The following USP10 variants were observed in gnomAD, a reference collection of about 807,000 sequenced individuals.
USP10 encodes the protein ubiquitin carboxyl-terminal hydrolase 10.
USP10 carries 22 observed loss-of-function variants against 84.5 expected under a neutral mutation model. That is an observed-to-expected ratio of 0.26 (90% confidence interval 0.19 to 0.37). USP10 has a LOEUF of 0.37. Ranked by LOEUF, USP10 falls within the 10% of genes least tolerant of loss-of-function variation. USP10 has a pLI of 1.00. For missense variants in USP10, 1,019 were observed against 998.9 expected, an observed-to-expected ratio of 1.02 and a Z score of -0.27; for synonymous variants, 454 against 387.6, an observed-to-expected ratio of 1.17 and a Z score of -2.01.
At chr16:84,757,877 T>G (rs903877967) in intron 4 of USP10, among the ~76,000 whole-genome samples, 3 of 152,168 alleles carry the variant, frequency 2.0e-5, no homozygotes, top group African/African-American at 7.2e-5. Context: ...TACTAAGGAT[T>G]AAGTCCAGCC....
intron 4 of USP10, among the ~76,000 whole-genome samples, chr16:84,756,643 G>A (rs894018031): frequency 2.0e-5 from 3 of 151,958 alleles, no homozygotes; most frequent in Non-Finnish European, 4.4e-5. Context: ...GAGTCTTAAG[G>A]TTAGGTTTAA....
At chr16:84,750,684 A>G (rs12922556) in intron 4 of USP10, among the ~76,000 whole-genome samples, 35,594 of 152,158 alleles carry the variant, frequency 0.23, 4,451 homozygotes, top group East Asian at 0.38. Context: ...AAATAGAGCC[A>G]TTTTGTATTT....
chr16:84,751,147 T>C (rs1385864002), intron 4 of USP10, among the ~76,000 whole-genome samples: 2 of 152,250 alleles, frequency 1.3e-5, no homozygotes, highest in African/African-American at 2.4e-5. Flanking sequence ...TACAGTTGCC[T>C]ACGGTATTCA....
rs756348853 is a variant in USP10 at position 84,759,950 on chromosome 16, A to C, written c.1450+4A>C. 2 of 1,613,932 alleles carry C rather than the reference A, an allele frequency of 1.2e-6. No individual in the cohort carries two copies. Among genetic ancestry groups the C allele is most frequent in the Non-Finnish European group, 1.7e-6 (2 of 1,179,778 alleles). ...GTACCTCCAAAACCCCGACAAGGTT[A>C]GTAAAAATGAGTTTTGTTGATGCTA... On this transcript the variant is annotated splice_donor_region_variant and intron_variant, in intron 7 of 13. Coordinates refer to ENST00000219473, the MANE Select transcript of USP10 (RefSeq NM_005153.3).
intron 1 of USP10, among the ~76,000 whole-genome samples, chr16:84,718,327 C>T (rs1045460206): frequency 1.8e-4 from 27 of 152,172 alleles, no homozygotes; most frequent in African/African-American, 5.8e-4. Context: ...AATCATGGCT[C>T]ACTGCAGCCT....
intron 3 of USP10, among the ~76,000 whole-genome samples, chr16:84,741,426 C>G (rs182976523): frequency 6.6e-6 from 1 of 152,324 alleles, no homozygotes; most frequent in African/African-American, 2.4e-5. Flanking sequence ...CTTCCTCTGT[C>G]ACTGTGTGCT....
In USP10 at chr16:84,778,914, C is replaced by T. The variant is rs1173387260; in HGVS notation, c.2229C>T (p.Asn743=). 2 of 1,613,550 alleles carry T rather than the reference C, an allele frequency of 1.2e-6. No individual in the cohort carries two copies. The highest frequency in any genetic ancestry group is 2.7e-5 in the African/African-American group (2 of 74,942). Residue 743 remains asparagine (N), a synonymous_variant, in exon 14 of 14, where the codon AAC becomes AAT. Coordinates refer to ENST00000219473, the MANE Select transcript of USP10 (RefSeq NM_005153.3). ...TTCCAGTGGTCTACCATCACGGCAA[C>T]AGTGCGACGGGCGGCCATTACACTA... is the stretch of plus-strand genomic sequence containing the variant. ...RLFAVVYHHG[N]SATGGHYTTD...
intron 1 of USP10, among the ~76,000 whole-genome samples, chr16:84,727,125 TTC>T (rs1908595270): frequency 6.6e-6 from 1 of 152,224 alleles, no homozygotes; most frequent in Admixed American, 6.5e-5. Context: ...GCTCTGCACT[TTC>T]TTTGAAATTA....
At chr16:84,759,531 A>T in intron 6 of USP10, 59 bp downstream of exon 6, 1 of 1,463,884 alleles carries the variant, frequency 6.8e-7, no homozygotes, top group Non-Finnish European at 9.6e-7. Context: ...TGATAATTAG[A>T]ATTGAAATAG....
At chr16:84,763,896 G>T (rs1298005706) in intron 9 of USP10, among the ~76,000 whole-genome samples, 190 bp from the exon 10 acceptor site, 1 of 152,054 alleles carries the variant, frequency 6.6e-6, no homozygotes, top group Non-Finnish European at 1.5e-5. Context: ...CGTGGATCCA[G>T]TGACATTGTG....
At chr16:84,723,902 C>G (rs1908127144) in intron 1 of USP10, among the ~76,000 whole-genome samples, 1 of 152,138 alleles carries the variant, frequency 6.6e-6, no homozygotes, top group Non-Finnish European at 1.5e-5. Context: ...GTCCTTGGCC[C>G]CAGCAAAGAT....
rs71151244 is a variant in USP10 at position 84,747,554 on chromosome 16, ATTTTTTT to A, written c.1192+1901_1192+1907del. Among the ~76,000 whole-genome samples, 9 of 73,032 alleles carry A rather than the reference ATTTTTTT, an allele frequency of 1.2e-4. No homozygotes were observed. The South Asian group carries it at 2.5e-3, about 20-fold the overall frequency. The allele number at this position is 73,032 out of a possible 152,430, so 47.9% of individuals were successfully genotyped here. A position where few individuals can be genotyped will look rare whatever the true frequency, so the allele number is the denominator to read the frequency against. Reference sequence around the variant, plus strand: ...CATATATATTTTTTAAAGCCAGGTGATTTTTTTTTTTTTTTTTTTTTTTTTTGAGATG... The same window carrying A: ...CATATATATTTTTTAAAGCCAGGTGATTTTTTTTTTTTTTTTTTTGAGATG... On this transcript the variant is annotated intron_variant, in intron 4 of 13. Coordinates refer to ENST00000219473, the MANE Select transcript of USP10 (RefSeq NM_005153.3).
At chr16:84,719,840 G>T (rs926662826) in intron 1 of USP10, among the ~76,000 whole-genome samples, 1 of 152,190 alleles carries the variant, frequency 6.6e-6, no homozygotes, top group African/African-American at 2.4e-5. Flanking sequence ...TTAAATCTTT[G>T]GAGGGCATGT....
At chr16:84,736,699 C>T (rs150073218) in intron 2 of USP10, among the ~76,000 whole-genome samples, 72 of 152,238 alleles carry the variant, frequency 4.7e-4, no homozygotes, top group African/African-American at 6.5e-4. Context: ...AATAAGCCCC[C>T]GATGACATAG....
intron 11 of USP10, among the ~76,000 whole-genome samples, chr16:84,772,276 C>G (rs986375307): frequency 1.3e-5 from 2 of 152,176 alleles, no homozygotes; most frequent in African/African-American, 4.8e-5. Context: ...GTCTCAAACT[C>G]TTGACCTCAG....
Position 84,707,488 on chromosome 16 carries a change from T to C in USP10, c.21+7377T>C, listed in dbSNP as rs954956982. On this transcript the variant is annotated intron_variant, in intron 1 of 13. Coordinates refer to ENST00000219473, the MANE Select transcript of USP10 (RefSeq NM_005153.3). ...TCCTCTCTGATCCTTAATCGTCAGT[T>C]TGGTGTGTGTCTTCTATGCTTTTTT... Among the ~76,000 whole-genome samples the C allele has an allele frequency of 2.0e-5, 3 of 152,204 alleles. No homozygotes were observed. In the East Asian group the frequency reaches 5.8e-4, roughly 29 times the overall value.
Position 84,778,879 on chromosome 16 carries a change from C to T in USP10, c.2210-16C>T, listed in dbSNP as rs771949604. 5.6e-6 allele frequency: 9 copies of T among 1,609,120 alleles called. No homozygotes were observed. The highest frequency in any genetic ancestry group is 2.7e-5 in the African/African-American group (2 of 74,872). On this transcript the variant is annotated splice_polypyrimidine_tract_variant and intron_variant, in intron 13 of 13. Transcript: ENST00000219473. Reference sequence around the variant, plus strand: ...AGTGCTGTTCTCACTCTGCTGCCTGCTGGGCTCTCTTCCAGTGGTCTACCA... The same window carrying T: ...AGTGCTGTTCTCACTCTGCTGCCTGTTGGGCTCTCTTCCAGTGGTCTACCA...
At position 84,744,779 on chromosome 16, in the gene USP10, A is replaced by T. The variant is rs752322061; in HGVS notation, c.298A>T (p.Thr100Ser). Residue 100 changes from threonine to serine, a missense_variant, in exon 4 of 14, where the codon ACC becomes TCC. Thr to Ser is a moderately conservative substitution (Grantham distance 58). Transcript: ENST00000219473. ...TCTCGGTTGTACAGCTTCCAAAATA[A>T]CCCCTGATGGTATCACTAAAGAAGC... ...FILGCTASKI[T>S]PDGITKEASY... The T allele has an allele frequency of 2.5e-6, 4 of 1,613,510 alleles. No individual in the cohort carries two copies. The highest frequency in any genetic ancestry group is 3.4e-6 in the Non-Finnish European group (4 of 1,179,708).
chr16:84,758,704 T>G lies in USP10; in HGVS notation c.1193-12T>G, dbSNP rs1567637662. On this transcript the variant is annotated splice_polypyrimidine_tract_variant and intron_variant, in intron 4 of 13. Transcript: ENST00000219473. Reference sequence around the variant, plus strand: ...TCATCAATTTCTGAAATATGCTTCTTCACTCTTTCAGAGTTGCTGGAGAAT... The same window carrying G: ...TCATCAATTTCTGAAATATGCTTCTGCACTCTTTCAGAGTTGCTGGAGAAT... The G allele has an allele frequency of 6.3e-7, 1 of 1,584,206 alleles. No individual in the cohort carries two copies. The highest frequency in any genetic ancestry group is 1.1e-5 in the South Asian group (1 of 90,450).
Sources: gnomAD v4.1 joint callset for allele counts (sites outside exome capture counted in the v4.1 genomes callset) on GRCh38, gnomAD v4.1.1 for gene constraint, MANE v1.5 for transcripts, NCBI Gene and HGNC (gene_info 2026-07-23, HGNC 2026-07-21) for gene names.